The following IL1RAP variants were observed in gnomAD, a reference collection of about 807,000 sequenced individuals.
IL1RAP encodes interleukin-1 receptor accessory protein.
A neutral mutation model predicts 60.7 loss-of-function variants in IL1RAP; 35 were observed. The observed-to-expected ratio is 0.58, with a 90% CI of 0.44 to 0.76. The LOEUF is 0.76. IL1RAP is among the 30% of genes least tolerant of loss of function. The pLI, the probability that IL1RAP is intolerant of heterozygous loss-of-function variation, is 0.00. For synonymous variants in IL1RAP, 268 were observed against 250.9 expected (o/e 1.07, Z -0.64); for missense variants, 572 against 693.9 (o/e 0.82, Z 1.97).
chr3:190,610,565 CAGAT>C (rs1446531880), intron 5 of IL1RAP, among the ~76,000 whole-genome samples: 1 of 151,784 alleles, frequency 6.6e-6, no homozygotes, highest in Non-Finnish European at 1.5e-5. Flanking sequence ...GTAAGAATAT[CAGAT>C]AAAGTAGACA....
At chr3:190,515,289 T>C (rs983730622) in intron 1 of IL1RAP, among the ~76,000 whole-genome samples, 1 of 151,498 alleles carries the variant, frequency 6.6e-6, no homozygotes, top group East Asian at 1.9e-4. Context: ...ATGAGCCCTT[T>C]GGGTAGTTGG....
chr3:190,647,636 G>A (rs2108863263), intron 11 of IL1RAP, among the ~76,000 whole-genome samples: 1 of 152,280 alleles, frequency 6.6e-6, no homozygotes, highest in Non-Finnish European at 1.5e-5. Context: ...CGGAGTTTGA[G>A]GAGAAAGATC....
intron 3 of IL1RAP, among the ~76,000 whole-genome samples, chr3:190,592,781 A>G (rs1318160645): frequency 1.3e-5 from 2 of 152,244 alleles, no homozygotes; most frequent in Admixed American, 6.5e-5. Flanking sequence ...TTCTGAATTT[A>G]AACTTCGTAG....
chr3:190,637,371 G>C (rs562808008), intron 9 of IL1RAP, among the ~76,000 whole-genome samples: 3 of 151,988 alleles, frequency 2.0e-5, no homozygotes, highest in African/African-American at 7.2e-5. Context: ...ACTTTACTAA[G>C]AAAGTTTTCA....
chr3:190,605,189 A>G (rs189045457), intron 4 of IL1RAP, among the ~76,000 whole-genome samples: 1 of 152,338 alleles, frequency 6.6e-6, no homozygotes, highest in East Asian at 1.9e-4. Context: ...ATCTCTGGCA[A>G]TCTAAGGATA....
intron 1 of IL1RAP, among the ~76,000 whole-genome samples, chr3:190,550,066 C>T (rs554912729): frequency 4.6e-5 from 7 of 152,256 alleles, no homozygotes; most frequent in South Asian, 4.1e-4. Context: ...AGCCTTGGCA[C>T]GTGCCGCCCA....
chr3:190,658,054 TAA>T (rs758662439), exon 12 of IL1RAP: 68 of 136,084 alleles, frequency 5.0e-4, no homozygotes, highest in Middle Eastern at 3.8e-3. Flanking sequence ...GACTCCATCT[TAA>T]AAAAAAAAAA....
chr3:190,526,101 G>A (rs1722486828), intron 1 of IL1RAP, among the ~76,000 whole-genome samples: 1 of 152,148 alleles, frequency 6.6e-6, no homozygotes, highest in Non-Finnish European at 1.5e-5. Flanking sequence ...TGTTTACTGG[G>A]CCCGTGCACA....
At chr3:190,532,772 A>T (rs1040223667) in intron 1 of IL1RAP, among the ~76,000 whole-genome samples, 11 of 150,886 alleles carry the variant, frequency 7.3e-5, no homozygotes, top group African/African-American at 2.4e-4. Context: ...ATCTTATAAC[A>T]GGCGTTTAGT....
chr3:190,613,065 C>T lies in IL1RAP; in HGVS notation c.537+3884C>T, dbSNP rs114985473. Among the ~76,000 whole-genome samples, 1,165 of 149,098 alleles carry T rather than the reference C, an allele frequency of 7.8e-3. 15 individuals are homozygous for T. The highest frequency in any genetic ancestry group is 0.029 in the African/African-American group (1,131 of 38,544). ...TTTGTAAATACAAAGAATTTCTACT[C>T]TTATCAAAATGTAAACTTCTAAGTT... On this transcript the variant is annotated intron_variant, in intron 5 of 11. Transcript: ENST00000447382.
intron 9 of IL1RAP, among the ~76,000 whole-genome samples, chr3:190,631,317 A>G (rs1732769988): frequency 6.6e-6 from 1 of 152,226 alleles, no homozygotes; most frequent in Non-Finnish European, 1.5e-5. Flanking sequence ...GTAATGTAGG[A>G]GTGAAGCACA....
intron 1 of IL1RAP, among the ~76,000 whole-genome samples, chr3:190,547,037 T>C: frequency 6.6e-6 from 1 of 152,332 alleles, no homozygotes; most frequent in African/African-American, 2.4e-5. Context: ...ACATAAGCAC[T>C]GCTTGAGCAC....
rs773377347 is a variant in IL1RAP, at chr3:190,515,741, C to T, written c.-89+1522C>T. Among the ~76,000 whole-genome samples the T allele has an allele frequency of 4.0e-5, 6 of 151,618 alleles. No individual in the cohort carries two copies. The South Asian group carries it at 8.4e-4, about 21-fold the overall frequency. ...AAGAAGACAAAGTTGGAAGTTGCAG[C>T]TGTGTTACAGATTATTCTAAGCCTT... On this transcript the variant is annotated intron_variant, in intron 1 of 11. Coordinates refer to ENST00000447382, the MANE Select transcript of IL1RAP (RefSeq NM_002182.4).
intron 1 of IL1RAP, among the ~76,000 whole-genome samples, chr3:190,521,786 A>G (rs1722040528): frequency 6.6e-6 from 1 of 152,114 alleles, no homozygotes; most frequent in Non-Finnish European, 1.5e-5. Context: ...GGATGGGAAG[A>G]AAAAGTAGAT....
chr3:190,569,011 G>A (rs1183897595), intron 3 of IL1RAP, among the ~76,000 whole-genome samples: 1 of 152,152 alleles, frequency 6.6e-6, no homozygotes, highest in African/African-American at 2.4e-5. Flanking sequence ...GGAGATATTG[G>A]GGAAGACTTA....
chr3:190,549,742 G>A (rs767938165), intron 1 of IL1RAP, among the ~76,000 whole-genome samples: 2 of 152,066 alleles, frequency 1.3e-5, no homozygotes, highest in Non-Finnish European at 2.9e-5. Flanking sequence ...TTTAAGGTTT[G>A]GGAAATTAAC....
At chr3:190,637,872 C>G (rs537941793) in intron 9 of IL1RAP, among the ~76,000 whole-genome samples, 1 of 151,868 alleles carries the variant, frequency 6.6e-6, no homozygotes, top group Non-Finnish European at 1.5e-5. Context: ...TGTATGTGGA[C>G]CCATACAGAA....
intron 1 of IL1RAP, among the ~76,000 whole-genome samples, chr3:190,549,179 T>C (rs1372069333): frequency 6.6e-6 from 1 of 152,114 alleles, no homozygotes; most frequent in African/African-American, 2.4e-5. Flanking sequence ...GAACCCCTGG[T>C]TCCCACCCAG....
exon 12 of IL1RAP, chr3:190,659,684 T>C (rs1279544595): frequency 6.6e-6 from 1 of 152,168 alleles, no homozygotes; most frequent in Admixed American, 6.5e-5. Context: ...CTCCTATCTG[T>C]TTGAACATGG....
Sources: allele counts gnomAD v4.1 joint callset (sites outside exome capture counted in the v4.1 genomes callset), GRCh38; gene constraint gnomAD v4.1.1; transcripts MANE v1.5; gene names NCBI Gene and HGNC (gene_info 2026-07-23, HGNC 2026-07-21).